The following TSPAN18 variants were observed in gnomAD, a reference collection of about 807,000 sequenced individuals.
TSPAN18 encodes the protein tetraspanin-18.
In TSPAN18, 14 loss-of-function variants were observed where a neutral mutation model predicts 27.3. The observed-to-expected ratio is 0.51, with a 90% CI of 0.34 to 0.80. The LOEUF (loss-of-function observed/expected upper bound fraction) is 0.80. Ranked by LOEUF, TSPAN18 falls within the 30% of genes least tolerant of loss-of-function variation. TSPAN18 has a pLI of 0.01. For missense variants in TSPAN18, 268 were observed against 323.9 expected, an observed-to-expected ratio of 0.83 and a Z score of 1.32; for synonymous variants, 143 against 136.5, an observed-to-expected ratio of 1.05 and a Z score of -0.33.
chr11:44,911,521 A>G (rs1294278190), intron 5 of TSPAN18, among the ~76,000 whole-genome samples: 1 of 152,160 alleles, frequency 6.6e-6, no homozygotes, highest in African/African-American at 2.4e-5. Context: ...CTGGTGGACA[A>G]TTCTCTACAG....
chr11:44,824,600 A>G (rs981608472), intron 2 of TSPAN18, among the ~76,000 whole-genome samples: 1 of 152,216 alleles, frequency 6.6e-6, no homozygotes, highest in African/African-American at 2.4e-5. Flanking sequence ...AGACAGGACA[A>G]TGGGAGGAAG....
At chr11:44,881,487 A>T (rs1262146541) in intron 3 of TSPAN18, among the ~76,000 whole-genome samples, 1 of 152,208 alleles carries the variant, frequency 6.6e-6, no homozygotes, top group Non-Finnish European at 1.5e-5. Flanking sequence ...CAACATCCCT[A>T]TTTCCGAGGG....
At chr11:44,927,161 G>A (rs1233511019) in intron 9 of TSPAN18, among the ~76,000 whole-genome samples, 6 of 152,222 alleles carry the variant, frequency 3.9e-5, no homozygotes, top group Admixed American at 3.9e-4. Flanking sequence ...GGGTGTTCAG[G>A]GCCTACAGGG....
chr11:44,896,669 C>G (rs1279112802), intron 3 of TSPAN18, among the ~76,000 whole-genome samples: 4 of 152,152 alleles, frequency 2.6e-5, no homozygotes, highest in Admixed American at 2.6e-4. Flanking sequence ...CTTCACCATC[C>G]CCTTCCCCAC....
At chr11:44,883,017 A>G (rs116357450) in intron 3 of TSPAN18, among the ~76,000 whole-genome samples, 2,294 of 152,306 alleles carry the variant, frequency 0.015, 68 homozygotes, top group African/African-American at 0.053. Flanking sequence ...GCAGGGCAGC[A>G]TGAGTGTGCC....
chr11:44,885,963 G>A (rs1294516464), intron 3 of TSPAN18: 1 of 152,306 alleles, frequency 6.6e-6, no homozygotes, highest in Admixed American at 6.5e-5. Flanking sequence ...CCTGTGGGGT[G>A]AGGCCTGGGA....
At chr11:44,898,653 G>A (rs542085900) in intron 3 of TSPAN18, among the ~76,000 whole-genome samples, 16 of 152,348 alleles carry the variant, frequency 1.1e-4, no homozygotes, top group African/African-American at 1.9e-4. Context: ...GTTCTAAGGC[G>A]GTGCAGGGCA....
At chr11:44,912,379 C>A (rs1453976694) in intron 5 of TSPAN18, among the ~76,000 whole-genome samples, 1 of 151,708 alleles carries the variant, frequency 6.6e-6, no homozygotes, top group Non-Finnish European at 1.5e-5. Context: ...CTGTCCTGAT[C>A]TCTCCCTCCC....
intron 3 of TSPAN18, among the ~76,000 whole-genome samples, chr11:44,878,108 C>T (rs938343661): frequency 6.6e-6 from 1 of 152,006 alleles, no homozygotes; most frequent in Non-Finnish European, 1.5e-5. Context: ...GCCATGCTTC[C>T]GGCCCCACTG....
At chr11:44,897,102 A>G (rs1859086386) in intron 3 of TSPAN18, among the ~76,000 whole-genome samples, 1 of 152,002 alleles carries the variant, frequency 6.6e-6, no homozygotes, top group South Asian at 2.1e-4. Context: ...TCTTCCTGGG[A>G]CTGTCCTCTA....
At chr11:44,770,051 G>C (rs539816645) in intron 2 of TSPAN18, among the ~76,000 whole-genome samples, 3 of 152,200 alleles carry the variant, frequency 2.0e-5, no homozygotes, top group Non-Finnish European at 4.4e-5. Context: ...AAGGTCAAAT[G>C]TGAGTACACA....
chr11:44,742,572 CTCCCAGG>C (rs899134271), intron 1 of TSPAN18, among the ~76,000 whole-genome samples: 2 of 152,190 alleles, frequency 1.3e-5, no homozygotes, highest in African/African-American at 4.8e-5. Context: ...CATAGGAGCT[CTCCCAGG>C]TCCCTGACTC....
intron 9 of TSPAN18, among the ~76,000 whole-genome samples, 172 bp downstream of exon 9, chr11:44,926,929 C>T (rs963715912): frequency 4.6e-5 from 7 of 152,186 alleles, no homozygotes; most frequent in Admixed American, 6.5e-5. Flanking sequence ...GCCTGAGAGT[C>T]ATTCTTGAAC....
At position 44,746,718 on chromosome 11, in the gene TSPAN18, C is replaced by T. The variant is rs185650491; in HGVS notation, c.-239-17708C>T. Among the ~76,000 whole-genome samples the T allele has an allele frequency of 1.5e-3, 222 of 152,340 alleles. 1 individual carries two copies. Among genetic ancestry groups the T allele is most frequent in the Non-Finnish European group, 2.1e-3 (140 of 68,038 alleles). On this transcript the variant is annotated intron_variant, in intron 1 of 9. Coordinates refer to ENST00000520358, the MANE Select transcript of TSPAN18 (RefSeq NM_130783.5). Reference sequence around the variant, plus strand: ...GCTGCAGTGAGCTATGATTGTACTACTGCACTCCAGCCTGGGCAACAGAAT... The same window carrying T: ...GCTGCAGTGAGCTATGATTGTACTATTGCACTCCAGCCTGGGCAACAGAAT...
intron 2 of TSPAN18, among the ~76,000 whole-genome samples, chr11:44,821,235 C>T (rs568708480): frequency 3.3e-4 from 51 of 152,344 alleles, no homozygotes; most frequent in Non-Finnish European, 6.2e-4. Flanking sequence ...CTACACTCCT[C>T]AGTGTACACA....
chr11:44,727,975 T>G (rs1854558185), intron 1 of TSPAN18, among the ~76,000 whole-genome samples: 2 of 152,144 alleles, frequency 1.3e-5, no homozygotes, highest in Admixed American at 6.5e-5. Context: ...TCGCGCCGGC[T>G]CCGGGTCCTG....
At chr11:44,896,323 C>G (rs1012752287) in intron 3 of TSPAN18, among the ~76,000 whole-genome samples, 1 of 152,164 alleles carries the variant, frequency 6.6e-6, no homozygotes, top group Non-Finnish European at 1.5e-5. Flanking sequence ...CCATCACTTA[C>G]CAACAGTGTG....
At chr11:44,876,856 A>G (rs1858347738) in intron 3 of TSPAN18, among the ~76,000 whole-genome samples, 1 of 152,208 alleles carries the variant, frequency 6.6e-6, no homozygotes. Context: ...GCTTCTGGGC[A>G]GGCAGCAAAG....
chr11:44,832,644 G>T (rs1369544842), intron 2 of TSPAN18, among the ~76,000 whole-genome samples: 1 of 152,170 alleles, frequency 6.6e-6, no homozygotes, highest in Non-Finnish European at 1.5e-5. Flanking sequence ...CACCCTCATT[G>T]TCCCGGGGAC....
Sources: gnomAD v4.1 joint callset for allele counts (sites outside exome capture counted in the v4.1 genomes callset) on GRCh38, gnomAD v4.1.1 for gene constraint, MANE v1.5 for transcripts, NCBI Gene and HGNC (gene_info 2026-07-23, HGNC 2026-07-21) for gene names.